The following LIPE variants were observed in gnomAD, a reference collection of about 807,000 sequenced individuals.
LIPE encodes the protein lipase E, hormone sensitive type, also known as hormone-sensitive lipase.
In LIPE, 66 loss-of-function variants were observed where a neutral mutation model predicts 88.5. The ratio of observed to expected loss-of-function variants is 0.75; its 90% CI spans 0.61 to 0.91. The LOEUF (loss-of-function observed/expected upper bound fraction) is 0.91, where lower values mean the gene tolerates loss of function less well. Ranked by LOEUF, LIPE falls within the 40% of genes least tolerant of loss-of-function variation. The pLI, the probability that LIPE is intolerant of heterozygous loss-of-function variation, is 0.00. For synonymous variants in LIPE, 570 were observed against 617.5 expected (o/e 0.92, Z 1.14); for missense variants, 1,346 against 1,434.7 (o/e 0.94, Z 1.00).
In LIPE at chr19:42,407,527, C is replaced by A; in HGVS notation, c.1843-59G>T. On this transcript the variant is annotated intron_variant, in intron 5 of 9. Transcript: ENST00000244289. This position sits in a 1 kb window ranked among gnomAD's most constrained non-coding sequence, Gnocchi z 5.8. ...GGGGAGAGCTGGCCAGGGCTGCACC[C>A]CTCCATGGGGATGCCAAGGTGGGGG... is the stretch of plus-strand genomic sequence containing the variant. 1 of 1,578,980 alleles carries A rather than the reference C, an allele frequency of 6.3e-7. No individual in the cohort carries two copies. Among genetic ancestry groups the A allele is most frequent in the Non-Finnish European group, 8.6e-7 (1 of 1,158,676 alleles).
Position 42,401,820 on chromosome 19 carries a change from GC to G in LIPE, c.3222del (p.Arg1075AspfsTer101). Reference sequence around the variant, plus strand: ...ATGGGAACAACAGGCTTTTAGTGTCGCCCCCCGCAGCCCCCGTCTACCCCCG... The same window carrying G: ...ATGGGAACAACAGGCTTTTAGTGTCGCCCCCGCAGCCCCCGTCTACCCCCG... ...GAAGVDGGCGGRH is the reference protein window; with the variant it reads ...GAAGVDGGCGXRH On this transcript the variant is annotated frameshift_variant, in exon 10 of 10. Coordinates refer to ENST00000244289, the MANE Select transcript of LIPE (RefSeq NM_005357.4). LOFTEE classifies it high-confidence loss of function. 3.4e-6 allele frequency: 5 copies of G among 1,479,310 alleles called. No individual in the cohort carries two copies. Among genetic ancestry groups the G allele is most frequent in the South Asian group, 1.3e-5 (1 of 74,482 alleles). 91.6% of individuals were successfully genotyped at this position (1,479,310 alleles called of 1,614,324 possible). A position where few individuals can be genotyped will look rare whatever the true frequency, so the allele number is the denominator to read the frequency against.
intron 1 of LIPE, among the ~76,000 whole-genome samples, chr19:42,421,985 C>A (rs1338191831): frequency 6.6e-6 from 1 of 152,236 alleles, no homozygotes; most frequent in Non-Finnish European, 1.5e-5. Context: ...TCATGACAAC[C>A]CTAAGGGAAG....
intron 7 of LIPE, 175 bp downstream of exon 7, chr19:42,405,986 A>T (rs111362976): frequency 4.7e-4 from 265 of 563,292 alleles, no homozygotes; most frequent in African/African-American, 3.1e-3. Flanking sequence ...TCACACACAC[A>T]CACACACACA....
Position 42,401,867 on chromosome 19 carries a change from G to T in LIPE, c.3176C>A (p.Pro1059Gln). 1.4e-6 allele frequency: 2 copies of T among 1,451,272 alleles called. No individual in the cohort carries two copies. Among genetic ancestry groups the T allele is most frequent in the Non-Finnish European group, 9.2e-7 (1 of 1,089,282 alleles). The allele number at this position is 1,451,272 out of a possible 1,614,324, so 89.9% of individuals were successfully genotyped here. Residue 1059 changes from proline (P) to glutamine (Q), a missense_variant, in exon 10 of 10, where the codon CCG becomes CAG. By Grantham distance (76) the Pro-to-Gln change is moderately conservative. Coordinates refer to ENST00000244289, the MANE Select transcript of LIPE (RefSeq NM_005357.4). Reference protein sequence around the residue: ...LVLTPPAGAGPSGETGAAGVD... With the variant: ...LVLTPPAGAGQSGETGAAGVD... ...CCCCGCAGCCCCCGTCTCCCCGCTC[G>T]GCCCGGCTCCGGCGGGAGGAGTGAG...
intron 1 of LIPE, chr19:42,412,616 G>A (rs750403826): frequency 4.1e-5 from 40 of 975,130 alleles, no homozygotes; most frequent in Non-Finnish European, 4.9e-5. Flanking sequence ...AGGCTCCTCT[G>A]CCTTAGAACC....
rs987090112 is a variant in LIPE at position 42,407,132 on chromosome 19, G to A, written c.2137+42C>T. On this transcript the variant is annotated intron_variant, in intron 6 of 9. Coordinates refer to ENST00000244289, the MANE Select transcript of LIPE (RefSeq NM_005357.4). The surrounding 1 kb of genome is among the most constrained non-coding windows in gnomAD (Gnocchi z 5.8). ...GAGGAGCTTAAAGCAAGCTGGGTGG[G>A]ATGGGAGCAGGCGCAGGTGGCTGTG... 8.3e-6 allele frequency: 12 copies of A among 1,451,502 alleles called. No individual in the cohort carries two copies. The highest frequency in any genetic ancestry group is 1.4e-5 in the African/African-American group (1 of 70,210). The allele number at this position is 1,451,502 out of a possible 1,614,324, so 89.9% of individuals were successfully genotyped here. A position where few individuals can be genotyped will look rare whatever the true frequency, so the allele number is the denominator to read the frequency against.
chr19:42,402,538 G>A lies in LIPE; in HGVS notation c.2967+69C>T, dbSNP rs1033950369. 2.4e-5 allele frequency: 32 copies of A among 1,355,460 alleles called. No individual in the cohort carries two copies. In the African/African-American group the frequency reaches 3.4e-4, roughly 14 times the overall value. 84.0% of individuals were successfully genotyped at this position (1,355,460 alleles called of 1,614,324 possible). A position where few individuals can be genotyped will look rare whatever the true frequency, so the allele number is the denominator to read the frequency against. On this transcript the variant is annotated intron_variant, in intron 9 of 9. Coordinates refer to ENST00000244289, the MANE Select transcript of LIPE (RefSeq NM_005357.4). Reference sequence around the variant, plus strand: ...CTTTTTCCCAGGTGTACCCGTGCCCGGTCCCCCTCCTCCCCGGGTGCCCTG... The same window carrying A: ...CTTTTTCCCAGGTGTACCCGTGCCCAGTCCCCCTCCTCCCCGGGTGCCCTG...
intron 1 of LIPE, among the ~76,000 whole-genome samples, chr19:42,422,703 G>C (rs1360293724): frequency 1.3e-5 from 2 of 152,144 alleles, no homozygotes; most frequent in Non-Finnish European, 2.9e-5. Flanking sequence ...GTCAGCCTTT[G>C]TTCCGCCTTT....
At position 42,406,428 on chromosome 19, in the gene LIPE, G is replaced by A; in HGVS notation, c.2138-40C>T. On this transcript the variant is annotated intron_variant, in intron 6 of 9. Coordinates refer to ENST00000244289, the MANE Select transcript of LIPE (RefSeq NM_005357.4). The surrounding 1 kb of genome is among the most constrained non-coding windows in gnomAD (Gnocchi z 5.7). ...GGGTGGTTGGTGACAACCTGGCAGG[G>A]GCAGAGGCCTGGGGAGGAGGGCAGG... 1.3e-6 allele frequency: 2 copies of A among 1,570,922 alleles called. No individual in the cohort carries two copies. The highest frequency in any genetic ancestry group is 8.8e-7 in the Non-Finnish European group (1 of 1,142,380).
intron 1 of LIPE, among the ~76,000 whole-genome samples, chr19:42,411,784 G>C (rs1454954337): frequency 6.6e-6 from 1 of 152,158 alleles, no homozygotes; most frequent in Non-Finnish European, 1.5e-5. Context: ...CCCCTGCCTG[G>C]AACAGCGATA....
rs768516915 is a variant in LIPE, at chr19:42,406,243, G to A, written c.2283C>T (p.Ala761=). The A allele has an allele frequency of 8.1e-6, 13 of 1,613,654 alleles. No homozygotes were observed. Among genetic ancestry groups the A allele is most frequent in the African/African-American group, 2.7e-5 (2 of 74,910 alleles). The change falls in exon 7 of 10, where the codon GCC becomes GCT. Residue 761 remains alanine, a synonymous_variant. Transcript: ENST00000244289. The surrounding 1 kb of genome is among the most constrained non-coding windows in gnomAD (Gnocchi z 5.7). The part of the protein sequence containing the change: ...AAYPATMLQP[A]ASPSRLLSLM... ...GGCTCAGCAGGCGGGAGGGAGAGGC[G>A]GCAGGCTGCAGCATTGTGGCCGGGT...
chr19:42,420,166 A>AC lies in LIPE; in HGVS notation c.883+6100dup, dbSNP rs2040569294. 2.0e-5 allele frequency among the ~76,000 whole-genome samples: 3 copies of AC among 150,794 alleles called. No individual in the cohort carries two copies. The South Asian group carries it at 6.3e-4, about 32-fold the overall frequency. ...AATTGAGGCACAGAAAGGTGACATA[A>AC]CCCCCGGGGTCACACGGCCAGCAGG... On this transcript the variant is annotated intron_variant, in intron 1 of 9. Transcript: ENST00000244289.
chr19:42,408,557 A>C lies in LIPE; in HGVS notation c.1420-235T>G. The C allele has an allele frequency of 5.9e-6, 3 of 511,198 alleles. No individual in the cohort carries two copies. The highest frequency in any genetic ancestry group is 3.4e-5 in the East Asian group (1 of 28,998). The allele number at this position is 511,198 out of a possible 1,614,324, so 31.7% of individuals were successfully genotyped here. A position where few individuals can be genotyped will look rare whatever the true frequency, so the allele number is the denominator to read the frequency against. ...GCAGTATCATGACAAGGAATGACGAATGGTTTGGAAAAAAAAAAAGGCAGT... is the reference window on the plus strand; with the variant it reads ...GCAGTATCATGACAAGGAATGACGACTGGTTTGGAAAAAAAAAAAGGCAGT... On this transcript the variant is annotated intron_variant, in intron 2 of 9. Coordinates refer to ENST00000244289, the MANE Select transcript of LIPE (RefSeq NM_005357.4). This position sits in a 1 kb window ranked among gnomAD's most constrained non-coding sequence, Gnocchi z 4.3.
At chr19:42,413,980 G>GA (rs2040437257) in intron 1 of LIPE, among the ~76,000 whole-genome samples, 1 of 152,166 alleles carries the variant, frequency 6.6e-6, no homozygotes, top group Non-Finnish European at 1.5e-5. Flanking sequence ...TTGCAGCTGT[G>GA]AAAATGGGAC....
rs2040455018 is a variant in LIPE at position 42,414,772 on chromosome 19, A to G, written c.884-3930T>C. Among the ~76,000 whole-genome samples the G allele has an allele frequency of 6.6e-6, 1 of 152,170 alleles. No homozygotes were observed. The highest frequency in any genetic ancestry group is 2.1e-4 in the South Asian group (1 of 4,824). The stretch of plus-strand genomic sequence containing the variant: ...CATTATTATTATATTTGTTATGATG[A>G]TCTGTGATCAATGATCTCTGGTGTT... On this transcript the variant is annotated intron_variant, in intron 1 of 9. Transcript: ENST00000244289. This position sits in a 1 kb window ranked among gnomAD's most constrained non-coding sequence, Gnocchi z 4.6.
chr19:42,416,261 T>C (rs2040485473), intron 1 of LIPE, among the ~76,000 whole-genome samples: 1 of 151,870 alleles, frequency 6.6e-6, no homozygotes, highest in African/African-American at 2.4e-5. Flanking sequence ...GGAGAATCAC[T>C]TGAACCTGGG....
At chr19:42,403,452 G>GT (rs59961297) in intron 8 of LIPE, among the ~76,000 whole-genome samples, 10,125 of 141,646 alleles carry the variant, frequency 0.071, 357 homozygotes, top group Middle Eastern at 0.2. Context: ...ATCGTTTTTT[G>GT]TTTTTTTTTT....
intron 8 of LIPE, 28 bp from the exon 9 acceptor site, chr19:42,403,059 G>A (rs751836051): frequency 6.6e-6 from 10 of 1,512,172 alleles, no homozygotes; most frequent in South Asian, 5.1e-5. Flanking sequence ...GATAGGCCTG[G>A]CTCCGTTAGT....
intron 1 of LIPE, chr19:42,423,563 G>A (rs1221392133): frequency 8.2e-7 from 1 of 1,226,928 alleles, no homozygotes; most frequent in African/African-American, 1.6e-5. Context: ...TCCCGCGGGG[G>A]CCAATTCCAG....
Sources: gnomAD v4.1 joint callset for allele counts (sites outside exome capture counted in the v4.1 genomes callset) on GRCh38, gnomAD v4.1.1 for gene constraint, Gnocchi (gnomAD v3.1) non-coding constraint, MANE v1.5 for transcripts, NCBI Gene and HGNC (gene_info 2026-07-23, HGNC 2026-07-21) for gene names.